NFE2: variants seen among roughly 807,000 people sequenced by gnomAD.
NFE2 encodes the protein nuclear factor, erythroid 2, also known as transcription factor NF-E2 45 kDa subunit.
A neutral mutation model predicts 25.8 loss-of-function variants in NFE2; 13 were observed. That is an observed-to-expected ratio of 0.50 (90% CI 0.33 to 0.80). The LOEUF is 0.80. Among genes scored for constraint, NFE2 ranks in the 30% least tolerant of loss-of-function variants. The pLI, the probability that NFE2 is intolerant of heterozygous loss-of-function variation, is 0.02. For missense variants in NFE2, 382 were observed against 478.9 expected (o/e 0.80, Z 1.89); for synonymous variants, 204 against 200.2 (o/e 1.02, Z -0.16).
At position 54,295,120 on chromosome 12, in the gene NFE2, T is replaced by C; in HGVS notation, c.114+15A>G. ...CCGACACACGGCCTCCCCTGCCCTA[T>C]CCCCCCTTACTCACCTGCAGCTCGG... On this transcript the variant is annotated intron_variant, in intron 2 of 2. Coordinates refer to ENST00000435572, the MANE Select transcript of NFE2 (RefSeq NM_001136023.3). 1.2e-6 allele frequency: 2 copies of C among 1,607,354 alleles called. No homozygotes were observed. The highest frequency in any genetic ancestry group is 4.5e-5 in the East Asian group (2 of 44,810).
chr12:54,295,272 AGGTTCCCGGAAAGCCCAGAT>A lies in NFE2; in HGVS notation c.-44_-25del. The A allele has an allele frequency of 6.2e-7, 1 of 1,603,382 alleles. No individual in the cohort carries two copies. The highest frequency in any genetic ancestry group is 8.5e-7 in the Non-Finnish European group (1 of 1,170,440). ...ATCCTACTGGGCCAGAGTCTGGTCCAGGTTCCCGGAAAGCCCAGATGGCTCTAGAAACCTGTGTCAAAGGA... is the reference window on the plus strand; with the variant it reads ...ATCCTACTGGGCCAGAGTCTGGTCCAGGCTCTAGAAACCTGTGTCAAAGGA... On this transcript the variant is annotated 5_prime_UTR_variant, in exon 2 of 3. Coordinates refer to ENST00000435572, the MANE Select transcript of NFE2 (RefSeq NM_001136023.3).
intron 1 of NFE2, among the ~76,000 whole-genome samples, chr12:54,299,831 T>C (rs984137618): frequency 6.6e-6 from 1 of 151,654 alleles, no homozygotes; most frequent in African/African-American, 2.4e-5. Flanking sequence ...ATAGGTGCAG[T>C]GAAAGGATGA....
Position 54,294,968 on chromosome 12 carries a change from C to G in NFE2, c.114+167G>C, listed in dbSNP as rs34996350. 6.0e-3 allele frequency among the ~76,000 whole-genome samples: 921 copies of G among 152,282 alleles called. 10 individuals carry two copies. The highest frequency in any genetic ancestry group is 0.021 in the African/African-American group (863 of 41,556). On this transcript the variant is annotated intron_variant, in intron 2 of 2. Coordinates refer to ENST00000435572, the MANE Select transcript of NFE2 (RefSeq NM_001136023.3). ...CTGCTCCTCCACTCCTCCTCCTCAA[C>G]GTTCCTCAGTGTCTTCCATCCGGAT...
In NFE2 at chr12:54,292,851, C is replaced by T; in HGVS notation, c.645G>A (p.Lys215=). Reference sequence around the variant, plus strand: ...TCCCTGCCTCCCCCCGTGCAGTGGGCTTAGCCCGCACAGGGCCTGAGGAGG... The same window carrying T: ...TCCCTGCCTCCCCCCGTGCAGTGGGTTTAGCCCGCACAGGGCCTGAGGAGG... The part of the protein sequence containing the change: ...LEPSSGPVRA[K]PTARGEAGSR... The change falls in exon 3 of 3, where the codon AAG becomes AAA. Residue 215 remains lysine, a synonymous_variant. Coordinates refer to ENST00000435572, the MANE Select transcript of NFE2 (RefSeq NM_001136023.3). 1.2e-6 allele frequency: 2 copies of T among 1,614,174 alleles called. No homozygotes were observed. The highest frequency in any genetic ancestry group is 1.7e-6 in the Non-Finnish European group (2 of 1,179,998).
At chr12:54,299,040 G>A (rs1290126239) in intron 1 of NFE2, among the ~76,000 whole-genome samples, 1 of 148,756 alleles carries the variant, frequency 6.7e-6, no homozygotes, top group African/African-American at 2.5e-5. Flanking sequence ...AACAGAGTAA[G>A]ACTCTGTCTC....
At chr12:54,296,264 G>A (rs1027668443) in intron 1 of NFE2, among the ~76,000 whole-genome samples, 3 of 151,968 alleles carry the variant, frequency 2.0e-5, no homozygotes, top group Non-Finnish European at 4.4e-5. Flanking sequence ...AATTAGCTGG[G>A]CGTGGTGGGG....
intron 1 of NFE2, among the ~76,000 whole-genome samples, chr12:54,299,742 A>AG (rs1348454460): frequency 6.6e-6 from 1 of 152,020 alleles, no homozygotes; most frequent in African/African-American, 2.4e-5. Flanking sequence ...TTCCTTAACG[A>AG]GGGGGAACGA....
chr12:54,299,792 A>G (rs1944406473), intron 1 of NFE2, among the ~76,000 whole-genome samples: 1 of 152,034 alleles, frequency 6.6e-6, no homozygotes, highest in African/African-American at 2.4e-5. Context: ...TCTGAGGCTT[A>G]TTTGACCACC....
chr12:54,295,412 C>G, intron 1 of NFE2, 108 bp from the exon 2 acceptor site: 1 of 584,984 alleles, frequency 1.7e-6, no homozygotes, highest in Non-Finnish European at 3.1e-6. Flanking sequence ...AAGGAGAGAC[C>G]GCCTCCTCCC....
At chr12:54,297,439 G>C (rs553459397) in intron 1 of NFE2, among the ~76,000 whole-genome samples, 2 of 149,396 alleles carry the variant, frequency 1.3e-5, no homozygotes, top group African/African-American at 4.9e-5. Flanking sequence ...TGAGGCAGGT[G>C]GATCACCTGA....
chr12:54,296,605 C>G (rs1399921285), intron 1 of NFE2, among the ~76,000 whole-genome samples: 1 of 152,098 alleles, frequency 6.6e-6, no homozygotes, highest in Non-Finnish European at 1.5e-5. Flanking sequence ...CTACATTCAT[C>G]AGTTCTTTCT....
Position 54,295,314 on chromosome 12 carries a change from A to T in NFE2, c.-56-10T>A. The stretch of plus-strand genomic sequence containing the variant: ...AGATGGCTCTAGAAACCTGTGTCAA[A>T]GGAAAAGAGGTGTTAGAGCTACACC... On this transcript the variant is annotated splice_polypyrimidine_tract_variant and intron_variant, in intron 1 of 2. Coordinates refer to ENST00000435572, the MANE Select transcript of NFE2 (RefSeq NM_001136023.3). 1 of 1,339,540 alleles carries T rather than the reference A, an allele frequency of 7.5e-7. No individual in the cohort carries two copies. The highest frequency in any genetic ancestry group is 1.1e-6 in the Non-Finnish European group (1 of 935,012). 83.0% of individuals were successfully genotyped at this position (1,339,540 alleles called of 1,614,324 possible). A position where few individuals can be genotyped will look rare whatever the true frequency, so the allele number is the denominator to read the frequency against.
chr12:54,295,455 T>C, intron 1 of NFE2, 151 bp from the exon 2 acceptor site: 1 of 528,930 alleles, frequency 1.9e-6, no homozygotes, highest in Non-Finnish European at 3.4e-6. Context: ...ATCAATCCCT[T>C]AAGATGGAAA....
Position 54,300,809 on chromosome 12 carries a change from G to A in NFE2, c.-65C>T, listed in dbSNP as rs1228088880. On this transcript the variant is annotated 5_prime_UTR_variant, in exon 1 of 3. Coordinates refer to ENST00000435572, the MANE Select transcript of NFE2 (RefSeq NM_001136023.3). ...CCCTGCCTTTCAGGCACCTGTGGTG[G>A]AGTCACAGCAGGGTGAGGAGAGAGA... 1 of 152,056 alleles carries A rather than the reference G, an allele frequency of 6.6e-6. No homozygotes were observed. Among genetic ancestry groups the A allele is most frequent in the Non-Finnish European group, 1.5e-5 (1 of 68,048 alleles). 9.4% of individuals were successfully genotyped at this position (152,056 alleles called of 1,614,324 possible).
At chr12:54,299,398 C>G (rs1185982158) in intron 1 of NFE2, among the ~76,000 whole-genome samples, 1 of 152,114 alleles carries the variant, frequency 6.6e-6, no homozygotes, top group African/African-American at 2.4e-5. Context: ...TCCCTGTGTT[C>G]CCTTTCTTTT....
chr12:54,298,876 C>A (rs990797988), intron 1 of NFE2, among the ~76,000 whole-genome samples: 8 of 151,938 alleles, frequency 5.3e-5, no homozygotes, highest in Non-Finnish European at 1.2e-4. Flanking sequence ...CATGGCAAAA[C>A]CCCATCTCTA....
intron 1 of NFE2, among the ~76,000 whole-genome samples, chr12:54,297,210 C>G: frequency 6.6e-6 from 1 of 151,924 alleles, no homozygotes; most frequent in East Asian, 1.9e-4. Context: ...CAGAAATTAG[C>G]TAGGCATAAT....
At chr12:54,293,464 T>G (rs968129013) in intron 2 of NFE2, 83 bp from the exon 3 acceptor site, 50 of 1,368,030 alleles carry the variant, frequency 3.7e-5, no homozygotes, top group Non-Finnish European at 4.5e-5. Context: ...TGGATTCTTC[T>G]GAAAGTCGCA....
chr12:54,299,008 G>T (rs1369116698), intron 1 of NFE2, among the ~76,000 whole-genome samples: 7 of 151,010 alleles, frequency 4.6e-5, no homozygotes, highest in African/African-American at 1.7e-4. Context: ...CTGAGATCAT[G>T]CCACTACACT....
Sources: allele counts gnomAD v4.1 joint callset (sites outside exome capture counted in the v4.1 genomes callset), GRCh38; gene constraint gnomAD v4.1.1; transcripts MANE v1.5; gene names NCBI Gene and HGNC (gene_info 2026-07-23, HGNC 2026-07-21).